Variants in RNF13 observed in about 807,000 individuals in gnomAD.
RNF13 encodes the protein E3 ubiquitin-protein ligase RNF13.
A neutral mutation model predicts 37.7 loss-of-function variants in RNF13; 19 were observed. The ratio of observed to expected loss-of-function variants is 0.50; its 90% CI spans 0.35 to 0.74. The LOEUF (loss-of-function observed/expected upper bound fraction) is 0.74, where lower values mean the gene tolerates loss of function less well. Among genes scored for constraint, RNF13 ranks in the 30% least tolerant of loss-of-function variants. The probability of loss-of-function intolerance (pLI) is 0.01; values close to 1 mark genes in which losing one functional copy is unlikely to be tolerated. For missense variants in RNF13, 375 were observed against 453.0 expected, an observed-to-expected ratio of 0.83 and a Z score of 1.56; for synonymous variants, 144 against 157.8, an observed-to-expected ratio of 0.91 and a Z score of 0.65.
At chr3:149,835,056 A>G (rs546752074) in intron 1 of RNF13, among the ~76,000 whole-genome samples, 4 of 152,308 alleles carry the variant, frequency 2.6e-5, no homozygotes, top group South Asian at 4.1e-4. Flanking sequence ...AAGAGCTACT[A>G]TGTAAAACTC....
At position 149,872,102 on chromosome 3, in the gene RNF13, C is replaced by G. The variant is rs1247635407; in HGVS notation, c.269C>G (p.Ser90Cys). Residue 90 changes from serine to cysteine, a missense_variant, in exon 4 of 10, where the codon TCT becomes TGT. Physicochemically the swap from Ser to Cys is moderately radical, Grantham distance 112 (BLOSUM62 -1). Coordinates refer to ENST00000392894, the MANE Select transcript of RNF13 (RefSeq NM_183381.3). ...IVPPPVKDNS[S>C]GTFIVLIRRL... ...CCTCCACCAGTAAAAGACAATTCAT[C>G]TGGCACTTTCATCGTGTTAATTAGA... 6.2e-7 allele frequency: 1 copy of G among 1,602,282 alleles called. No individual in the cohort carries two copies. The highest frequency in any genetic ancestry group is 8.5e-7 in the Non-Finnish European group (1 of 1,172,294).
chr3:149,926,518 GT>G (rs1164810421), intron 8 of RNF13, among the ~76,000 whole-genome samples: 1 of 151,954 alleles, frequency 6.6e-6, no homozygotes, highest in Non-Finnish European at 1.5e-5. Flanking sequence ...CCTCTTCTGT[GT>G]TTTTAGAGTA....
At chr3:149,913,417 C>A (rs1056426158) in intron 7 of RNF13, among the ~76,000 whole-genome samples, 1 of 152,170 alleles carries the variant, frequency 6.6e-6, no homozygotes, top group African/African-American at 2.4e-5. Context: ...CATCCGTCAT[C>A]TACTTTCCCG....
chr3:149,813,415 T>TA (rs1719104140), intron 1 of RNF13, 62 bp downstream of exon 1: 1 of 152,414 alleles, frequency 6.6e-6, no homozygotes, highest in South Asian at 2.1e-4. Context: ...CCAGAGAACA[T>TA]ACCCCGCTTG....
intron 8 of RNF13, 103 bp from the exon 9 acceptor site, chr3:149,959,953 A>T: frequency 2.9e-6 from 2 of 698,652 alleles, no homozygotes; most frequent in Non-Finnish European, 5.0e-6. Context: ...CCGATGCAAA[A>T]GGCATCATTC....
chr3:149,906,439 T>C (rs6780843), intron 6 of RNF13, among the ~76,000 whole-genome samples: 50,499 of 152,010 alleles, frequency 0.33, 10,102 homozygotes, highest in East Asian at 0.63. Context: ...CCTTCACCAA[T>C]TTATATTCAC....
intron 3 of RNF13, 28 bp from the exon 4 acceptor site, chr3:149,871,997 CAGAG>C: frequency 6.4e-7 from 1 of 1,557,502 alleles, no homozygotes; most frequent in South Asian, 1.2e-5. Context: ...CTGAGTGAAA[CAGAG>C]AGATAATTTT....
intron 2 of RNF13, among the ~76,000 whole-genome samples, chr3:149,850,041 G>A (rs528679673): frequency 6.6e-5 from 10 of 151,022 alleles, no homozygotes; most frequent in East Asian, 3.9e-4. Flanking sequence ...GTGCAGTGGC[G>A]CAATCTTGGC....
chr3:149,920,101 T>C (rs936874198), intron 7 of RNF13, among the ~76,000 whole-genome samples: 9 of 152,238 alleles, frequency 5.9e-5, no homozygotes, highest in African/African-American at 1.9e-4. Flanking sequence ...CTTGTTTTCT[T>C]ATTATTGAGT....
rs141026246 is a variant in RNF13, at chr3:149,822,570, A to C, written c.-17+9217A>C. 100 of 152,258 alleles carry C rather than the reference A, an allele frequency of 6.6e-4. 1 individual carries two copies. Among genetic ancestry groups the C allele is most frequent in the African/African-American group, 2.3e-3 (97 of 41,566 alleles). 9.4% of individuals were successfully genotyped at this position (152,258 alleles called of 1,614,324 possible). On this transcript the variant is annotated intron_variant, in intron 1 of 9. Coordinates refer to ENST00000392894, the MANE Select transcript of RNF13 (RefSeq NM_183381.3). ...GGAAAGTGGAACACTAAAGAACTTGATCTGTAAGATGTCTGATTTCCCTGA... is the reference window on the plus strand; with the variant it reads ...GGAAAGTGGAACACTAAAGAACTTGCTCTGTAAGATGTCTGATTTCCCTGA...
chr3:149,859,247 A>G (rs989114253), intron 3 of RNF13, among the ~76,000 whole-genome samples: 2 of 152,222 alleles, frequency 1.3e-5, no homozygotes, highest in Admixed American at 1.3e-4. Flanking sequence ...GAGTCAAACC[A>G]TCTGGTTATA....
At chr3:149,955,202 A>G (rs1048558899) in intron 8 of RNF13, among the ~76,000 whole-genome samples, 6 of 152,114 alleles carry the variant, frequency 3.9e-5, no homozygotes, top group African/African-American at 1.2e-4. Context: ...CAGAGACTGG[A>G]AAAAAGCAAC....
chr3:149,872,019 T>C lies in RNF13; in HGVS notation c.196-10T>C. 1 of 1,579,586 alleles carries C rather than the reference T, an allele frequency of 6.3e-7. No individual in the cohort carries two copies. Among genetic ancestry groups the C allele is most frequent in the Non-Finnish European group, 8.5e-7 (1 of 1,169,912 alleles). Reference sequence around the variant, plus strand: ...AAACAGAGAGATAATTTTTACCAATTCTTTTTCAGGGTTTTTTGATTAACT... The same window carrying C: ...AAACAGAGAGATAATTTTTACCAATCCTTTTTCAGGGTTTTTTGATTAACT... On this transcript the variant is annotated splice_polypyrimidine_tract_variant and intron_variant, in intron 3 of 9. Coordinates refer to ENST00000392894, the MANE Select transcript of RNF13 (RefSeq NM_183381.3).
chr3:149,866,663 G>A (rs1285170860), intron 3 of RNF13, among the ~76,000 whole-genome samples: 1 of 152,178 alleles, frequency 6.6e-6, no homozygotes, highest in East Asian at 1.9e-4. Flanking sequence ...AGACACCTCT[G>A]ACATGTTTAT....
intron 6 of RNF13, among the ~76,000 whole-genome samples, chr3:149,910,186 C>T (rs559517213): frequency 8.5e-5 from 13 of 152,100 alleles, no homozygotes; most frequent in South Asian, 4.1e-4. Flanking sequence ...GGGTATGTGC[C>T]GGGAACAGGG....
chr3:149,923,627 G>A (rs985767108), intron 8 of RNF13, among the ~76,000 whole-genome samples: 1 of 151,950 alleles, frequency 6.6e-6, no homozygotes, highest in Admixed American at 6.6e-5. Context: ...TTAGCCGGGT[G>A]TGGTGGTGCG....
intron 3 of RNF13, among the ~76,000 whole-genome samples, chr3:149,867,162 T>C (rs1015656259): frequency 6.6e-6 from 1 of 152,204 alleles, no homozygotes; most frequent in African/African-American, 2.4e-5. Context: ...TTATGTTTGC[T>C]GCATATGCTT....
chr3:149,906,634 G>A (rs1716427843), intron 6 of RNF13, among the ~76,000 whole-genome samples: 1 of 85,072 alleles, frequency 1.2e-5, no homozygotes, highest in Non-Finnish European at 2.5e-5. Context: ...CCTTTCATTT[G>A]TTCAATTCTG....
chr3:149,953,859 C>G (rs191445922), intron 8 of RNF13, among the ~76,000 whole-genome samples: 36 of 152,200 alleles, frequency 2.4e-4, no homozygotes, highest in African/African-American at 8.7e-4. Flanking sequence ...AAAATGCTTA[C>G]GATAGTGCTT....
Sources: gnomAD v4.1 joint callset for allele counts (sites outside exome capture counted in the v4.1 genomes callset) on GRCh38, gnomAD v4.1.1 for gene constraint, MANE v1.5 for transcripts, NCBI Gene and HGNC (gene_info 2026-07-23, HGNC 2026-07-21) for gene names.